MAP3K4: variants seen among roughly 807,000 people sequenced by gnomAD.
The protein encoded by MAP3K4 is MAP three kinase 1.
MAP3K4 carries 67 observed loss-of-function variants against 185.6 expected under a neutral mutation model. The ratio of observed to expected loss-of-function variants is 0.36; its 90% CI spans 0.30 to 0.44. The LOEUF is 0.44. Ranked by LOEUF, MAP3K4 falls within the 20% of genes least tolerant of loss-of-function variation. The pLI, the probability that MAP3K4 is intolerant of heterozygous loss-of-function variation, is 1.00. For synonymous variants in MAP3K4, 702 were observed against 710.4 expected (o/e 0.99, Z 0.19); for missense variants, 1,551 against 1,995.1 (o/e 0.78, Z 4.24).
intron 3 of MAP3K4, among the ~76,000 whole-genome samples, chr6:161,052,803 T>C (rs922719549): frequency 3.3e-5 from 5 of 152,044 alleles, no homozygotes; most frequent in African/African-American, 7.2e-5. Context: ...GTTTTAGTCG[T>C]TTTATTTGGT....
chr6:161,055,485 A>G (rs1784186877), intron 3 of MAP3K4, among the ~76,000 whole-genome samples: 3 of 152,350 alleles, frequency 2.0e-5, no homozygotes, highest in Admixed American at 6.5e-5. Flanking sequence ...GCACGCCTTA[A>G]TATTGACTTC....
In MAP3K4 at chr6:161,116,895, A is replaced by C. The variant is rs889769440; in HGVS notation, c.*25A>C. 1.2e-6 allele frequency: 2 copies of C among 1,605,790 alleles called. No individual in the cohort carries two copies. Among genetic ancestry groups the C allele is most frequent in the African/African-American group, 2.7e-5 (2 of 74,756 alleles). Reference sequence around the variant, plus strand: ...AAGCCTAGTAGAATATGGACTTGGAAAATTCTCTTAATCACTACTGTATGT... The same window carrying C: ...AAGCCTAGTAGAATATGGACTTGGACAATTCTCTTAATCACTACTGTATGT... On this transcript the variant is annotated 3_prime_UTR_variant, in exon 27 of 27. Coordinates refer to ENST00000392142, the MANE Select transcript of MAP3K4 (RefSeq NM_005922.4). This position sits in a 1 kb window ranked among gnomAD's most constrained non-coding sequence, Gnocchi z 6.2.
chr6:161,085,468 G>T (rs1162748814), intron 7 of MAP3K4, among the ~76,000 whole-genome samples: 1 of 152,156 alleles, frequency 6.6e-6, no homozygotes, highest in African/African-American at 2.4e-5. Flanking sequence ...TAGCAACTTT[G>T]TGGCCATAGA....
chr6:161,040,332 C>T (rs1783393937), intron 2 of MAP3K4, among the ~76,000 whole-genome samples: 1 of 152,028 alleles, frequency 6.6e-6, no homozygotes, highest in Admixed American at 6.6e-5. Context: ...GTGCAACCTA[C>T]ACACACACAG....
rs1363109651 is a variant in MAP3K4, at chr6:161,110,766, A to T, written c.4396+852A>T. Among the ~76,000 whole-genome samples the T allele has an allele frequency of 6.6e-6, 1 of 152,110 alleles. No homozygotes were observed. Among genetic ancestry groups the T allele is most frequent in the Non-Finnish European group, 1.5e-5 (1 of 68,030 alleles). ...TGTGGCTCACCCTGAATCACCCAGC[A>T]TACACCGGTCTCATTGGCTGCCTGC... On this transcript the variant is annotated intron_variant, in intron 23 of 26. Transcript: ENST00000392142. The surrounding 1 kb of genome is among the most constrained non-coding windows in gnomAD (Gnocchi z 4.8).
chr6:161,089,200 T>G (rs376657993), intron 10 of MAP3K4, 122 bp from the exon 11 acceptor site: 1 of 1,073,302 alleles, frequency 9.3e-7, no homozygotes, highest in East Asian at 2.4e-5. Flanking sequence ...AATGACTTTC[T>G]GATTAGATGG....
intron 1 of MAP3K4, among the ~76,000 whole-genome samples, chr6:161,016,946 G>T (rs975257785): frequency 6.6e-6 from 1 of 152,112 alleles, no homozygotes; most frequent in Non-Finnish European, 1.5e-5. Context: ...TCTTTAAATA[G>T]AATTTCCTAG....
At chr6:161,105,984 C>T (rs1388231038) in intron 19 of MAP3K4, among the ~76,000 whole-genome samples, 3 of 151,802 alleles carry the variant, frequency 2.0e-5, no homozygotes, top group Non-Finnish European at 2.9e-5. Flanking sequence ...TACAGGCACA[C>T]ACCACCACAC....
rs930607033 is a variant in MAP3K4 at position 161,043,739 on chromosome 6, G to C, written c.344-4877G>C. Among the ~76,000 whole-genome samples, 4 of 152,318 alleles carry C rather than the reference G, an allele frequency of 2.6e-5. No individual in the cohort carries two copies. The highest frequency in any genetic ancestry group is 4.1e-4 in the South Asian group (2 of 4,828). On this transcript the variant is annotated intron_variant, in intron 2 of 26. Transcript: ENST00000392142. This position sits in a 1 kb window ranked among gnomAD's most constrained non-coding sequence, Gnocchi z 4.3. ...TGATTTCGAACATACACTGAAATTT[G>C]AGAAGCTTGAGCTAGATGATCTCTA...
intron 3 of MAP3K4, among the ~76,000 whole-genome samples, chr6:161,057,128 G>T (rs1007839186): frequency 6.6e-6 from 1 of 152,112 alleles, no homozygotes; most frequent in Admixed American, 6.5e-5. Context: ...AATTAGAAAC[G>T]ATCATGTAGT....
In MAP3K4 at chr6:161,070,560, T is replaced by C. The variant is rs773486016; in HGVS notation, c.1708-48T>C. ...AGTTTATAACCACAACCGTAGAACG[T>C]TGTCTCGTATGCTCTTTTAATCTGT... On this transcript the variant is annotated intron_variant, in intron 3 of 26. Coordinates refer to ENST00000392142, the MANE Select transcript of MAP3K4 (RefSeq NM_005922.4). The surrounding 1 kb of genome is among the most constrained non-coding windows in gnomAD (Gnocchi z 4.5). The C allele has an allele frequency of 1.3e-6, 2 of 1,571,516 alleles. No homozygotes were observed. The highest frequency in any genetic ancestry group is 1.7e-6 in the Non-Finnish European group (2 of 1,155,022).
chr6:161,030,834 A>G (rs536877445), intron 1 of MAP3K4, among the ~76,000 whole-genome samples: 11 of 152,312 alleles, frequency 7.2e-5, no homozygotes, highest in Admixed American at 5.2e-4. Context: ...GGTGTTACTA[A>G]GTTGCTTGGA....
chr6:161,042,579 A>G (rs1231379548), intron 2 of MAP3K4, among the ~76,000 whole-genome samples: 1 of 152,224 alleles, frequency 6.6e-6, no homozygotes, highest in African/African-American at 2.4e-5. Context: ...AGCAATTAAG[A>G]TTTTGATACG....
At position 161,063,353 on chromosome 6, in the gene MAP3K4, TCTC is replaced by T. The variant is rs2114796963; in HGVS notation, c.1708-7252_1708-7250del. Among the ~76,000 whole-genome samples, 2 of 152,304 alleles carry T rather than the reference TCTC, an allele frequency of 1.3e-5. No homozygotes were observed. Among genetic ancestry groups the T allele is most frequent in the East Asian group, 3.9e-4 (2 of 5,182 alleles). ...AAGCGCTCACTGTCTGGAGGGTTATTCTCCTTTTTCTCTCTCTGCTTATGGTAA... is the reference window on the plus strand; with the variant it reads ...AAGCGCTCACTGTCTGGAGGGTTATTCTTTTTCTCTCTCTGCTTATGGTAA... On this transcript the variant is annotated intron_variant, in intron 3 of 26. Coordinates refer to ENST00000392142, the MANE Select transcript of MAP3K4 (RefSeq NM_005922.4). The surrounding 1 kb of genome is among the most constrained non-coding windows in gnomAD (Gnocchi z 5.4).
Position 161,017,643 on chromosome 6 carries a change from G to A in MAP3K4, c.153-16616G>A, listed in dbSNP as rs1748702158. On this transcript the variant is annotated intron_variant, in intron 1 of 26. Transcript: ENST00000392142. This position sits in a 1 kb window ranked among gnomAD's most constrained non-coding sequence, Gnocchi z 5.1. The stretch of plus-strand genomic sequence containing the variant: ...ATAAATGGGTTGAATTTGACTATCT[G>A]TAAGTGTTTTAGCCTCCAAAATGAG... Among the ~76,000 whole-genome samples, 1 of 152,184 alleles carries A rather than the reference G, an allele frequency of 6.6e-6. No individual in the cohort carries two copies. The highest frequency in any genetic ancestry group is 6.5e-5 in the Admixed American group (1 of 15,276).
In MAP3K4 at chr6:161,096,394, G is replaced by A. The variant is rs780637422; in HGVS notation, c.3428-686G>A. ...AGTGAAGAAGAGAAAAGCATGTTAC[G>A]GAGAGTAGGCAAAATATGACGCATG... On this transcript the variant is annotated intron_variant, in intron 15 of 26. Transcript: ENST00000392142. This position sits in a 1 kb window ranked among gnomAD's most constrained non-coding sequence, Gnocchi z 4.9. 1.8e-4 allele frequency among the ~76,000 whole-genome samples: 27 copies of A among 152,112 alleles called. No individual in the cohort carries two copies. The highest frequency in any genetic ancestry group is 1.1e-3 in the Admixed American group (17 of 15,270).
Position 161,063,196 on chromosome 6 carries a change from T to A in MAP3K4, c.1708-7412T>A, listed in dbSNP as rs964909512. Among the ~76,000 whole-genome samples the A allele has an allele frequency of 6.6e-6, 1 of 152,114 alleles. No homozygotes were observed. The highest frequency in any genetic ancestry group is 2.4e-5 in the African/African-American group (1 of 41,462). On this transcript the variant is annotated intron_variant, in intron 3 of 26. Coordinates refer to ENST00000392142, the MANE Select transcript of MAP3K4 (RefSeq NM_005922.4). This position sits in a 1 kb window ranked among gnomAD's most constrained non-coding sequence, Gnocchi z 5.4. The stretch of plus-strand genomic sequence containing the variant: ...TTAAAAAATTAAATTCTGAGTTCTA[T>A]CACTGAGGTTTTTTTTCTAATTCTA...
intron 1 of MAP3K4, among the ~76,000 whole-genome samples, chr6:161,012,912 A>T (rs1354764783): frequency 2.0e-5 from 3 of 152,186 alleles, no homozygotes; most frequent in African/African-American, 4.8e-5. Context: ...TGGTCCCATC[A>T]TATTTCATTT....
chr6:161,090,521 T>C (rs879534891), intron 11 of MAP3K4, among the ~76,000 whole-genome samples: 34 of 132,552 alleles, frequency 2.6e-4, no homozygotes, highest in Middle Eastern at 3.8e-3. Flanking sequence ...CGTGGAGGGC[T>C]GTCCTGCGCA....
Sources: gnomAD v4.1 joint callset for allele counts (sites outside exome capture counted in the v4.1 genomes callset) on GRCh38, gnomAD v4.1.1 for gene constraint, Gnocchi (gnomAD v3.1) non-coding constraint, MANE v1.5 for transcripts, NCBI Gene and HGNC (gene_info 2026-07-23, HGNC 2026-07-21) for gene names.